The following AGO4 variants were observed in gnomAD, a reference collection of about 807,000 sequenced individuals.
AGO4 encodes argonaute RISC component 4.
AGO4 carries 33 observed loss-of-function variants against 104.7 expected under a neutral mutation model. That is an observed-to-expected ratio of 0.32 (90% CI 0.24 to 0.42). The LOEUF (loss-of-function observed/expected upper bound fraction) is 0.42, where lower values mean the gene tolerates loss of function less well. Ranked by LOEUF, AGO4 falls within the 10% of genes least tolerant of loss-of-function variation. The pLI, the probability that AGO4 is intolerant of heterozygous loss-of-function variation, is 1.00. For missense variants in AGO4, 711 were observed against 1,083.4 expected (o/e 0.66, Z 4.83); for synonymous variants, 331 against 364.7 (o/e 0.91, Z 1.05).
chr1:35,843,808 ATCT>A (rs1200020743), intron 15 of AGO4, among the ~76,000 whole-genome samples: 6 of 152,078 alleles, frequency 3.9e-5, no homozygotes, highest in Admixed American at 6.6e-5. Context: ...TAGATTTAAG[ATCT>A]TCTTCTTCAG....
At chr1:35,844,922 A>G (rs543893761) in intron 15 of AGO4, among the ~76,000 whole-genome samples, 1 of 152,034 alleles carries the variant, frequency 6.6e-6, no homozygotes, top group African/African-American at 2.4e-5. Flanking sequence ...TCAAACTTTA[A>G]TTTTCTGTAG....
intron 15 of AGO4, among the ~76,000 whole-genome samples, chr1:35,843,950 A>G (rs535410292): frequency 4.6e-5 from 7 of 152,158 alleles, no homozygotes; most frequent in Non-Finnish European, 1.0e-4. Context: ...AATATCTTCA[A>G]TTCTCTAAGC....
intron 13 of AGO4, among the ~76,000 whole-genome samples, chr1:35,836,462 T>C (rs1644315590): frequency 6.6e-6 from 1 of 152,230 alleles, no homozygotes; most frequent in Non-Finnish European, 1.5e-5. Flanking sequence ...AAGGTTGGAG[T>C]GCAGTGATGC....
rs1392519766 is a variant in AGO4, at chr1:35,808,858, G to C, written c.19+423G>C. On this transcript the variant is annotated intron_variant, in intron 1 of 17. Transcript: ENST00000373210. The surrounding 1 kb of genome is among the most constrained non-coding windows in gnomAD (Gnocchi z 5.2). Reference sequence around the variant, plus strand: ...CAGCCGGTAGTCCTGGTTTGGGGCCGCGCCCCTATTTTTCTTTGCACTGGC... The same window carrying C: ...CAGCCGGTAGTCCTGGTTTGGGGCCCCGCCCCTATTTTTCTTTGCACTGGC... Among the ~76,000 whole-genome samples the C allele has an allele frequency of 6.6e-6, 1 of 152,192 alleles. No individual in the cohort carries two copies. Among genetic ancestry groups the C allele is most frequent in the African/African-American group, 2.4e-5 (1 of 41,448 alleles).
intron 15 of AGO4, among the ~76,000 whole-genome samples, chr1:35,849,351 T>C (rs1644646491): frequency 6.6e-6 from 1 of 152,080 alleles, no homozygotes; most frequent in Non-Finnish European, 1.5e-5. Flanking sequence ...TTCTTCCTGA[T>C]AACCATTTGC....
chr1:35,822,873 A>T lies in AGO4; in HGVS notation c.197A>T (p.Asp66Val). ...RPRRVNREVV[D>V]TMVRHFKMQI... ...CCATTACTGTGAAGGGAGGTAGTAG[A>T]TACAATGGTGCGGCACTTCAAGATG... The change falls in exon 3 of 18, where the codon GAT becomes GTT. Residue 66 changes from aspartate (D) to valine (V), a missense_variant. By Grantham distance (152) the Asp-to-Val change is radical (BLOSUM62 -3). Transcript: ENST00000373210. 6.2e-7 allele frequency: 1 copy of T among 1,614,076 alleles called. No individual in the cohort carries two copies. Among genetic ancestry groups the T allele is most frequent in the Non-Finnish European group, 8.5e-7 (1 of 1,179,970 alleles).
chr1:35,825,480 C>T lies in AGO4; in HGVS notation c.474C>T (p.His158=), dbSNP rs1643995944. The stretch of plus-strand genomic sequence containing the variant: ...AAGCACTTGATGTTATCACAAGACA[C>T]CTTCCCTCCATGAGGTTAGTACCTT... ...SVQALDVITR[H]LPSMRYTPVG... is the part of the protein sequence containing the mutation. Residue 158 remains histidine (H), a synonymous_variant, in exon 4 of 18, where the codon CAC becomes CAT. Coordinates refer to ENST00000373210, the MANE Select transcript of AGO4 (RefSeq NM_017629.4). The T allele has an allele frequency of 6.2e-7, 1 of 1,614,080 alleles. No homozygotes were observed. Among genetic ancestry groups the T allele is most frequent in the Non-Finnish European group, 8.5e-7 (1 of 1,179,970 alleles).
intron 1 of AGO4, among the ~76,000 whole-genome samples, chr1:35,813,944 G>A (rs1370705159): frequency 1.3e-5 from 2 of 151,616 alleles, no homozygotes; most frequent in South Asian, 2.1e-4. Context: ...GCATGGTGGC[G>A]GGTGCCTGTA....
At chr1:35,815,460 A>G (rs765706448) in intron 1 of AGO4, among the ~76,000 whole-genome samples, 1 of 152,116 alleles carries the variant, frequency 6.6e-6, no homozygotes, top group Non-Finnish European at 1.5e-5. Context: ...TCTTAGAGAG[A>G]GAGAGAGAGT....
At chr1:35,817,184 C>T in intron 2 of AGO4, 137 bp downstream of exon 2, 1 of 896,328 alleles carries the variant, frequency 1.1e-6, no homozygotes, top group South Asian at 2.3e-5. Context: ...AGCAGGTTTG[C>T]TGTCTCATGC....
At chr1:35,837,265 G>T (rs1217640936) in intron 13 of AGO4, among the ~76,000 whole-genome samples, 1 of 151,938 alleles carries the variant, frequency 6.6e-6, no homozygotes, top group Non-Finnish European at 1.5e-5. Flanking sequence ...TGTATTTTTA[G>T]TAGAGACAGG....
In AGO4 at chr1:35,831,948, C is replaced by G; in HGVS notation, c.1116+17C>G. 1.9e-6 allele frequency: 3 copies of G among 1,612,344 alleles called. No homozygotes were observed. The highest frequency in any genetic ancestry group is 2.2e-5 in the South Asian group (2 of 90,628). ...AGTAGACTGGTCAGTAAGGCATGGT[C>G]TTCAAGATGAGCTAGCTTTGAGATG... On this transcript the variant is annotated intron_variant, in intron 9 of 17. Transcript: ENST00000373210.
chr1:35,809,262 A>C (rs1474935442), intron 1 of AGO4, among the ~76,000 whole-genome samples: 1 of 152,206 alleles, frequency 6.6e-6, no homozygotes, highest in Non-Finnish European at 1.5e-5. Flanking sequence ...GGCTGTAACA[A>C]GTGTCCTGAG....
At chr1:35,825,202 A>G (rs991471056) in intron 3 of AGO4, 111 bp from the exon 4 acceptor site, 32 of 1,168,724 alleles carry the variant, frequency 2.7e-5, no homozygotes, top group Non-Finnish European at 3.5e-5. Flanking sequence ...ACAATTGTAA[A>G]AAAAAGTTAA....
At chr1:35,822,671 T>A (rs542350381) in intron 2 of AGO4, among the ~76,000 whole-genome samples, 191 bp from the exon 3 acceptor site, 1 of 152,352 alleles carries the variant, frequency 6.6e-6, no homozygotes, top group African/African-American at 2.4e-5. Flanking sequence ...CATCTTACAG[T>A]TGTTTTTGTA....
At chr1:35,809,561 A>G (rs1401628492) in intron 1 of AGO4, among the ~76,000 whole-genome samples, 2 of 152,206 alleles carry the variant, frequency 1.3e-5, no homozygotes, top group African/African-American at 4.8e-5. Context: ...CCTCATAATC[A>G]AATTTCATAT....
At chr1:35,818,219 C>T (rs544368960) in intron 2 of AGO4, among the ~76,000 whole-genome samples, 3 of 151,914 alleles carry the variant, frequency 2.0e-5, no homozygotes, top group South Asian at 2.1e-4. Flanking sequence ...TATGTATATA[C>T]GTATGCAAAT....
chr1:35,812,024 A>G (rs1215822517), intron 1 of AGO4, among the ~76,000 whole-genome samples: 12 of 152,150 alleles, frequency 7.9e-5, no homozygotes, highest in Non-Finnish European at 2.9e-5. Flanking sequence ...ACGTCATGCA[A>G]TTAGGGAGTG....
intron 12 of AGO4, among the ~76,000 whole-genome samples, chr1:35,835,120 C>T (rs1168705246): frequency 1.3e-5 from 2 of 149,902 alleles, no homozygotes; most frequent in Non-Finnish European, 3.0e-5. Context: ...AAGTGATTCT[C>T]CTGCCTCAGC....
Sources: gnomAD v4.1 joint callset for allele counts (sites outside exome capture counted in the v4.1 genomes callset) on GRCh38, gnomAD v4.1.1 for gene constraint, Gnocchi (gnomAD v3.1) non-coding constraint, MANE v1.5 for transcripts, NCBI Gene and HGNC (gene_info 2026-07-23, HGNC 2026-07-21) for gene names.